The following VRK3 variants were observed in gnomAD, a reference collection of about 807,000 sequenced individuals.
VRK3 encodes the protein VRK serine/threonine kinase 3, also known as serine/threonine-protein kinase VRK3.
VRK3 carries 50 observed loss-of-function variants against 60.4 expected under a neutral mutation model. The ratio of observed to expected loss-of-function variants is 0.83; its 90% CI spans 0.66 to 1.05. The LOEUF (loss-of-function observed/expected upper bound fraction) is 1.05. Ranked by LOEUF, VRK3 falls within the 50% of genes least tolerant of loss-of-function variation. The pLI is 0.00. For missense variants in VRK3, 549 were observed against 585.3 expected, an observed-to-expected ratio of 0.94 and a Z score of 0.64; for synonymous variants, 246 against 227.8, an observed-to-expected ratio of 1.08 and a Z score of -0.72.
chr19:49,997,830 G>A (rs752499173), intron 6 of VRK3: 3 of 378,926 alleles, frequency 7.9e-6, no homozygotes, highest in South Asian at 3.9e-5. Context: ...TAAAAACTAC[G>A]TTTCCCAGCT....
rs564335167 is a variant in VRK3 at position 50,024,031 on chromosome 19, G to A, written c.-65+1236C>T. Among the ~76,000 whole-genome samples the A allele has an allele frequency of 5.9e-5, 9 of 152,326 alleles. No individual in the cohort carries two copies. In the South Asian group the frequency reaches 1.9e-3, roughly 32 times the overall value. On this transcript the variant is annotated intron_variant, in intron 1 of 14. Transcript: ENST00000316763. The stretch of plus-strand genomic sequence containing the variant: ...GCTCACTTGCAACCTCCGCTTCCTG[G>A]GTTCAAGCGATTCTCCCTGCCTCAA...
intron 11 of VRK3, 149 bp downstream of exon 11, chr19:49,989,490 G>T: frequency 9.1e-7 from 1 of 1,103,542 alleles, no homozygotes; most frequent in Non-Finnish European, 1.2e-6. Context: ...CCTTGCGGTC[G>T]GGACGCTGTC....
chr19:49,990,540 C>T (rs1294197332), intron 10 of VRK3, among the ~76,000 whole-genome samples: 1 of 151,896 alleles, frequency 6.6e-6, no homozygotes, highest in Non-Finnish European at 1.5e-5. Flanking sequence ...ACCACCATGC[C>T]CAGCCGATTT....
Position 50,007,733 on chromosome 19 carries a change from CAG to C in VRK3, c.381_382del (p.Ser127ArgfsTer2). On this transcript the variant is annotated frameshift_variant, in exon 5 of 15. Transcript: ENST00000316763. LOFTEE classifies it high-confidence loss of function. ...GCTCTGCCTGGTCTTCTGAGGGCTACAGCTGGTCTTCTGAGGGCTACCCCTGG... is the reference window on the plus strand; with the variant it reads ...GCTCTGCCTGGTCTTCTGAGGGCTACCTGGTCTTCTGAGGGCTACCCCTGG... 6.3e-7 allele frequency: 1 copy of C among 1,583,226 alleles called. No individual in the cohort carries two copies.
chr19:50,011,656 C>T (rs62115174), intron 3 of VRK3, among the ~76,000 whole-genome samples: 21 of 132,852 alleles, frequency 1.6e-4, no homozygotes, highest in South Asian at 2.6e-4. Context: ...ACTCCTCCAG[C>T]GTGTAGTTAA....
intron 2 of VRK3, among the ~76,000 whole-genome samples, chr19:50,016,962 G>T (rs1043101757): frequency 1.3e-5 from 2 of 150,534 alleles, no homozygotes; most frequent in Non-Finnish European, 2.9e-5. Flanking sequence ...GGCCATCACA[G>T]GCAGATCACC....
At chr19:50,002,358 A>G (rs527505235) in intron 5 of VRK3, among the ~76,000 whole-genome samples, 15 of 151,948 alleles carry the variant, frequency 9.9e-5, no homozygotes, top group Non-Finnish European at 1.6e-4. Flanking sequence ...AGAGAGGGAG[A>G]CGTATGCAGG....
chr19:50,024,608 G>T (rs139825477), intron 1 of VRK3, among the ~76,000 whole-genome samples: 1 of 152,094 alleles, frequency 6.6e-6, no homozygotes, highest in Non-Finnish European at 1.5e-5. Context: ...TAATAACCTG[G>T]GCTTGAACAG....
intron 5 of VRK3, among the ~76,000 whole-genome samples, chr19:50,003,326 G>C (rs2076840257): frequency 6.6e-6 from 1 of 152,256 alleles, no homozygotes; most frequent in Non-Finnish European, 1.5e-5. Flanking sequence ...AGCATGTGCT[G>C]TGTTAAACCA....
In VRK3 at chr19:49,976,597, C is replaced by T. The variant is rs1030006596; in HGVS notation, c.*199G>A. On this transcript the variant is annotated 3_prime_UTR_variant, in exon 15 of 15. Coordinates refer to ENST00000316763, the MANE Select transcript of VRK3 (RefSeq NM_016440.4). ...AAGGGCAGGCCACCAAGATGGGGAA[C>T]TTCACATTCACGGGAGGGAAACTGG... 2 of 152,708 alleles carry T rather than the reference C, an allele frequency of 1.3e-5. No individual in the cohort carries two copies. The highest frequency in any genetic ancestry group is 2.9e-5 in the Non-Finnish European group (2 of 68,076). 9.5% of individuals were successfully genotyped at this position (152,708 alleles called of 1,614,324 possible).
chr19:50,017,940 C>T (rs1009264569), intron 2 of VRK3, among the ~76,000 whole-genome samples: 1 of 152,228 alleles, frequency 6.6e-6, no homozygotes, highest in Non-Finnish European at 1.5e-5. Flanking sequence ...GGATTGTAGG[C>T]ATGAGCTACC....
At chr19:50,011,113 T>C (rs943726017) in intron 3 of VRK3, among the ~76,000 whole-genome samples, 1 of 152,166 alleles carries the variant, frequency 6.6e-6, no homozygotes, top group Non-Finnish European at 1.5e-5. Context: ...CCTGTACTGC[T>C]AAGGCCCTAA....
At chr19:50,011,734 TGTAGTTAAAACCAAACTCCCTCCC>T (rs1416007988) in intron 3 of VRK3, among the ~76,000 whole-genome samples, 1 of 149,604 alleles carries the variant, frequency 6.7e-6, no homozygotes, top group African/African-American at 2.5e-5. Flanking sequence ...TCCTCCAGTG[TGTAGTTAAAACCAAACTCCCTCCC>T]GTGGTCCTGC....
chr19:49,979,646 C>T (rs1600644342), intron 13 of VRK3, among the ~76,000 whole-genome samples: 3 of 152,344 alleles, frequency 2.0e-5, no homozygotes, highest in South Asian at 2.1e-4. Context: ...CCACCTCCAA[C>T]CTCTGGCTGA....
intron 10 of VRK3, among the ~76,000 whole-genome samples, chr19:49,992,583 C>G (rs1428650515): frequency 6.6e-6 from 1 of 152,146 alleles, no homozygotes; most frequent in Non-Finnish European, 1.5e-5. Context: ...AAAATAGTAT[C>G]TTGTTTTAAG....
chr19:50,012,473 T>C (rs947559348), intron 3 of VRK3, among the ~76,000 whole-genome samples: 3 of 152,220 alleles, frequency 2.0e-5, no homozygotes, highest in Non-Finnish European at 4.4e-5. Flanking sequence ...CATTTCTTAC[T>C]ATAATCCTCG....
intron 2 of VRK3, among the ~76,000 whole-genome samples, chr19:50,018,152 G>A (rs1429732930): frequency 6.6e-6 from 1 of 152,114 alleles, no homozygotes; most frequent in Non-Finnish European, 1.5e-5. Context: ...TGTAAAATGG[G>A]GCTTCTCCCA....
intron 9 of VRK3, among the ~76,000 whole-genome samples, chr19:49,993,950 G>A (rs146910509): frequency 2.7e-5 from 4 of 150,614 alleles, no homozygotes; most frequent in Non-Finnish European, 5.9e-5. Flanking sequence ...AGCTGACCCC[G>A]CCCTCCCCTA....
At chr19:49,996,219 C>CT (rs34570672) in intron 7 of VRK3, among the ~76,000 whole-genome samples, 8,522 of 147,490 alleles carry the variant, frequency 0.058, 795 homozygotes, top group African/African-American at 0.2. Flanking sequence ...CACGCCCGGC[C>CT]TTTTTTTTTT....
Sources: gnomAD v4.1 joint callset for allele counts (sites outside exome capture counted in the v4.1 genomes callset) on GRCh38, gnomAD v4.1.1 for gene constraint, MANE v1.5 for transcripts, NCBI Gene and HGNC (gene_info 2026-07-23, HGNC 2026-07-21) for gene names.